PACSIN2: variants seen among roughly 807,000 people sequenced by gnomAD.
The protein encoded by PACSIN2 is protein kinase C and casein kinase substrate in neurons 2.
Under a neutral mutation model 63.8 loss-of-function variants are expected in PACSIN2, and 25 were observed. The observed-to-expected ratio is 0.39, with a 90% CI of 0.29 to 0.55. PACSIN2 has a LOEUF of 0.55. PACSIN2 is among the 20% of genes least tolerant of loss of function. The pLI is 0.62. For missense variants in PACSIN2, 518 were observed against 646.9 expected, an observed-to-expected ratio of 0.80 and a Z score of 2.16; for synonymous variants, 255 against 256.2, an observed-to-expected ratio of 1.00 and a Z score of 0.05.
intron 2 of PACSIN2, among the ~76,000 whole-genome samples, chr22:42,904,059 T>C (rs903005405): frequency 1.3e-5 from 2 of 152,266 alleles, no homozygotes; most frequent in East Asian, 3.9e-4. Flanking sequence ...AAAAAATAGA[T>C]GACACAGAAA....
intron 1 of PACSIN2, among the ~76,000 whole-genome samples, chr22:42,936,547 T>C (rs1465660687): frequency 2.6e-5 from 4 of 152,154 alleles, no homozygotes; most frequent in Non-Finnish European, 5.9e-5. Flanking sequence ...TAAGTGAAAA[T>C]ATGTAGTATG....
chr22:42,934,226 T>C (rs534058290), intron 1 of PACSIN2, among the ~76,000 whole-genome samples: 34 of 152,312 alleles, frequency 2.2e-4, no homozygotes, highest in African/African-American at 7.7e-4. Context: ...ATAAAAACCA[T>C]ACTAAATTCA....
chr22:42,933,762 T>C (rs1490262706), intron 1 of PACSIN2, among the ~76,000 whole-genome samples: 2 of 152,256 alleles, frequency 1.3e-5, no homozygotes, highest in Admixed American at 6.5e-5. Context: ...AACAACGGAC[T>C]TTTCCCATTT....
rs1384086781 is a variant in PACSIN2, at chr22:42,870,805, G to A, written c.*552C>T. ...GCCACCTGAGGCTAAGCCTACACACGGCGTGGCTGAGTAACAGGGTAAGGG... is the reference window on the plus strand; with the variant it reads ...GCCACCTGAGGCTAAGCCTACACACAGCGTGGCTGAGTAACAGGGTAAGGG... On this transcript the variant is annotated 3_prime_UTR_variant, in exon 11 of 11. Transcript: ENST00000263246. 1.3e-5 allele frequency: 2 copies of A among 152,912 alleles called. No individual in the cohort carries two copies. Among genetic ancestry groups the A allele is most frequent in the East Asian group, 1.9e-4 (1 of 5,216 alleles). 9.5% of individuals were successfully genotyped at this position (152,912 alleles called of 1,614,324 possible).
At chr22:42,921,148 A>G (rs1932166078) in intron 1 of PACSIN2, among the ~76,000 whole-genome samples, 1 of 151,976 alleles carries the variant, frequency 6.6e-6, no homozygotes, top group South Asian at 2.1e-4. Context: ...TCATGAGGTC[A>G]GGAGATAGAG....
intron 1 of PACSIN2, among the ~76,000 whole-genome samples, chr22:42,938,421 C>A (rs1224254842): frequency 2.6e-5 from 4 of 152,216 alleles, no homozygotes; most frequent in African/African-American, 9.6e-5. Context: ...CAGGAGGCGT[C>A]AGAAAGAAGC....
At chr22:42,958,487 A>T (rs1934004486) in intron 1 of PACSIN2, among the ~76,000 whole-genome samples, 1 of 152,250 alleles carries the variant, frequency 6.6e-6, no homozygotes, top group Non-Finnish European at 1.5e-5. Context: ...GTTTGAAGTT[A>T]TGAAACCTCT....
At chr22:42,912,639 G>A (rs1488414187) in intron 1 of PACSIN2, among the ~76,000 whole-genome samples, 1 of 152,200 alleles carries the variant, frequency 6.6e-6, no homozygotes, top group African/African-American at 2.4e-5. Flanking sequence ...TGGCTCAGCT[G>A]GAAAGCTAAA....
chr22:42,884,012 A>G (rs1404252834), intron 6 of PACSIN2, among the ~76,000 whole-genome samples: 2 of 152,102 alleles, frequency 1.3e-5, no homozygotes, highest in Non-Finnish European at 2.9e-5. Flanking sequence ...TCTCAAAAAA[A>G]AAAAAAGAAA....
At chr22:42,890,764 C>T (rs1056159179) in intron 4 of PACSIN2, among the ~76,000 whole-genome samples, 183 bp downstream of exon 4, 1 of 152,198 alleles carries the variant, frequency 6.6e-6, no homozygotes, top group African/African-American at 2.4e-5. Context: ...CATTCAGCAT[C>T]TTCAACCTGG....
At chr22:42,958,549 T>C (rs1233572044) in intron 1 of PACSIN2, among the ~76,000 whole-genome samples, 3 of 152,230 alleles carry the variant, frequency 2.0e-5, no homozygotes, top group Non-Finnish European at 4.4e-5. Context: ...TTCAGTAGGA[T>C]GTTTTACTGA....
intron 1 of PACSIN2, among the ~76,000 whole-genome samples, chr22:42,991,267 T>C (rs1923022444): frequency 6.6e-6 from 1 of 151,728 alleles, no homozygotes; most frequent in South Asian, 2.1e-4. Context: ...TCCACCCCAG[T>C]CATAAAGCTG....
rs566751546 is a variant in PACSIN2 at position 42,874,196 on chromosome 22, C to T, written c.1348+1941G>A. On this transcript the variant is annotated intron_variant, in intron 10 of 10. Transcript: ENST00000263246. Reference sequence around the variant, plus strand: ...TGGGGTGGTAGCACACATCTGTGGTCCCAGCTACGTAGGAGGCTGAGGTGG... The same window carrying T: ...TGGGGTGGTAGCACACATCTGTGGTTCCAGCTACGTAGGAGGCTGAGGTGG... Among the ~76,000 whole-genome samples the T allele has an allele frequency of 5.8e-4, 89 of 152,150 alleles. 1 individual carries two copies. Among genetic ancestry groups the T allele is most frequent in the African/African-American group, 2.0e-3 (81 of 41,496 alleles).
At chr22:42,983,357 G>A (rs911762763) in intron 1 of PACSIN2, among the ~76,000 whole-genome samples, 29 of 149,628 alleles carry the variant, frequency 1.9e-4, no homozygotes, top group Admixed American at 1.1e-3. Flanking sequence ...GGGTGTGGTG[G>A]CACACACTTC....
chr22:42,884,140 C>A (rs952532844), intron 6 of PACSIN2, among the ~76,000 whole-genome samples: 7 of 152,224 alleles, frequency 4.6e-5, no homozygotes, highest in Non-Finnish European at 8.8e-5. Context: ...CTGCTTGGGC[C>A]AGCAATTGGC....
chr22:42,997,298 C>T (rs991525540), intron 1 of PACSIN2, among the ~76,000 whole-genome samples: 8 of 152,216 alleles, frequency 5.3e-5, no homozygotes, highest in African/African-American at 1.9e-4. Flanking sequence ...GTGGCTCACG[C>T]CTGTTATCCC....
chr22:42,999,890 C>T (rs535900492), intron 1 of PACSIN2, among the ~76,000 whole-genome samples: 1 of 152,214 alleles, frequency 6.6e-6, no homozygotes, highest in East Asian at 1.9e-4. Context: ...AGTCCCAAGG[C>T]AAGATGGTTG....
At chr22:43,009,332 G>A (rs951073320) in intron 1 of PACSIN2, among the ~76,000 whole-genome samples, 3 of 152,230 alleles carry the variant, frequency 2.0e-5, no homozygotes, top group East Asian at 1.9e-4. Flanking sequence ...AGAATGAGAG[G>A]TGAAAGTGCT....
At chr22:42,910,991 G>A (rs1031640776) in intron 2 of PACSIN2, among the ~76,000 whole-genome samples, 22 of 151,576 alleles carry the variant, frequency 1.5e-4, no homozygotes, top group African/African-American at 4.4e-4. Context: ...TGCAAGCTCC[G>A]CCTCCCGGGT....
Sources: allele counts gnomAD v4.1 joint callset (sites outside exome capture counted in the v4.1 genomes callset), GRCh38; gene constraint gnomAD v4.1.1; transcripts MANE v1.5; gene names NCBI Gene and HGNC (gene_info 2026-07-23, HGNC 2026-07-21).